The following WWOX variants were observed in gnomAD, a reference collection of about 807,000 sequenced individuals.
WWOX encodes WW domain containing oxidoreductase, also known as WW domain-containing oxidoreductase.
Under a neutral mutation model 46.2 loss-of-function variants are expected in WWOX, and 69 were observed. That is an observed-to-expected ratio of 1.49 (90% CI 1.23 to 1.82). WWOX has a LOEUF of 1.82. WWOX is among the 40% of genes most tolerant of loss of function. The pLI is 0.00. For missense variants in WWOX, 919 were observed against 542.6 expected (o/e 1.69, Z -6.89); for synonymous variants, 359 against 202.6 (o/e 1.77, Z -6.56).
intron 8 of WWOX, among the ~76,000 whole-genome samples, chr16:78,555,038 G>C (rs1374072999): frequency 6.6e-6 from 1 of 152,138 alleles, no homozygotes; most frequent in Non-Finnish European, 1.5e-5. Flanking sequence ...GCCATTTAAG[G>C]TCCCGAGGAA....
At chr16:79,012,864 G>C (rs2047339598) in intron 8 of WWOX, among the ~76,000 whole-genome samples, 1 of 152,178 alleles carries the variant, frequency 6.6e-6, no homozygotes, top group Non-Finnish European at 1.5e-5. Flanking sequence ...GCTGCTGTTT[G>C]TAAGCCTGGC....
At chr16:78,809,312 G>GAAAA (rs371661365) in intron 8 of WWOX, among the ~76,000 whole-genome samples, 3 of 73,900 alleles carry the variant, frequency 4.1e-5, no homozygotes, top group Non-Finnish European at 9.1e-5. Flanking sequence ...TAGAGATCTT[G>GAAAA]AAAAAAAAAA....
intron 8 of WWOX, among the ~76,000 whole-genome samples, chr16:78,689,881 G>A (rs2047946252): frequency 6.6e-6 from 1 of 151,752 alleles, no homozygotes; most frequent in Non-Finnish European, 1.5e-5. Flanking sequence ...TTTTTTTGGA[G>A]ACAGGGTCTC....
intron 8 of WWOX, among the ~76,000 whole-genome samples, chr16:78,538,928 C>T (rs2043823124): frequency 6.6e-6 from 1 of 152,216 alleles, no homozygotes; most frequent in Non-Finnish European, 1.5e-5. Context: ...GTTGCAATTT[C>T]TTCCATTACC....
chr16:78,824,157 G>T (rs115820616), intron 8 of WWOX, among the ~76,000 whole-genome samples: 5 of 151,964 alleles, frequency 3.3e-5, no homozygotes, highest in African/African-American at 7.3e-5. Flanking sequence ...GATTTTAAAC[G>T]ATCTTTAGAA....
chr16:78,385,786 G>A lies in WWOX; in HGVS notation c.517-1074G>A, dbSNP rs150362010. 3.3e-4 allele frequency among the ~76,000 whole-genome samples: 51 copies of A among 152,280 alleles called. 1 individual carries two copies. In the East Asian group the frequency reaches 7.9e-3, roughly 24 times the overall value. On this transcript the variant is annotated intron_variant, in intron 5 of 8. Coordinates refer to ENST00000566780, the MANE Select transcript of WWOX (RefSeq NM_016373.4). ...CTAGACTAGAATTCCCAAGTCAACC[G>A]TTTGTTTTACGGGACTCTTCTTATT...
chr16:78,689,971 C>A (rs1446988908), intron 8 of WWOX, among the ~76,000 whole-genome samples: 1 of 152,114 alleles, frequency 6.6e-6, no homozygotes, highest in East Asian at 1.9e-4. Context: ...AATGATTCTC[C>A]TACCTCAGCC....
In WWOX at chr16:79,104,867, C is replaced by G. The variant is rs530916242; in HGVS notation, c.1057-106741C>G. 3.9e-5 allele frequency among the ~76,000 whole-genome samples: 6 copies of G among 152,294 alleles called. No individual in the cohort carries two copies. In the East Asian group the frequency reaches 1.2e-3, roughly 29 times the overall value. ...CCCCACTTGACCAAAGGTGTCCAAACCTCGACAGACAGCGGCCAGAGAAGG... is the reference window on the plus strand; with the variant it reads ...CCCCACTTGACCAAAGGTGTCCAAAGCTCGACAGACAGCGGCCAGAGAAGG... On this transcript the variant is annotated intron_variant, in intron 8 of 8. Coordinates refer to ENST00000566780, the MANE Select transcript of WWOX (RefSeq NM_016373.4).
intron 5 of WWOX, among the ~76,000 whole-genome samples, chr16:78,374,516 T>C (rs2151924207): frequency 6.7e-6 from 1 of 149,232 alleles, no homozygotes; most frequent in South Asian, 2.1e-4. Context: ...CCTCAACTTT[T>C]TCTGTCTTGA....
intron 5 of WWOX, among the ~76,000 whole-genome samples, chr16:78,251,767 T>C (rs1481182192): frequency 2.0e-5 from 3 of 152,186 alleles, no homozygotes; most frequent in African/African-American, 4.8e-5. Context: ...AGTAATTCTA[T>C]CGTTAAAGGA....
chr16:78,787,184 C>A (rs1025172895), intron 8 of WWOX, among the ~76,000 whole-genome samples: 2 of 152,062 alleles, frequency 1.3e-5, no homozygotes, highest in African/African-American at 4.8e-5. Flanking sequence ...AAAAAAAGTT[C>A]ACCACTTTGA....
At chr16:79,003,581 G>A (rs142054350) in intron 8 of WWOX, among the ~76,000 whole-genome samples, 3 of 152,200 alleles carry the variant, frequency 2.0e-5, no homozygotes, top group Non-Finnish European at 4.4e-5. Context: ...GTGGAATCCA[G>A]TTGGCAGGAG....
At chr16:79,007,564 C>G (rs1016397269) in intron 8 of WWOX, among the ~76,000 whole-genome samples, 6 of 152,218 alleles carry the variant, frequency 3.9e-5, no homozygotes, top group African/African-American at 1.4e-4. Context: ...CGAATCCCCA[C>G]TACATAGGCA....
intron 8 of WWOX, among the ~76,000 whole-genome samples, chr16:79,174,013 C>T (rs1245660382): frequency 1.3e-5 from 2 of 152,136 alleles, no homozygotes; most frequent in African/African-American, 4.8e-5. Context: ...TATAAACTGG[C>T]AGGATACTGT....
intron 6 of WWOX, among the ~76,000 whole-genome samples, chr16:78,393,179 T>G (rs2082212900): frequency 6.6e-6 from 1 of 152,162 alleles, no homozygotes; most frequent in Admixed American, 6.6e-5. Flanking sequence ...TTCTAATCAC[T>G]CAGACCAAAT....
chr16:78,325,170 C>T (rs1407516263), intron 5 of WWOX, among the ~76,000 whole-genome samples: 1 of 152,202 alleles, frequency 6.6e-6, no homozygotes, highest in East Asian at 1.9e-4. Context: ...GAACTGGTTC[C>T]TTTGAATCCT....
At chr16:78,535,829 A>G (rs1449086832) in intron 8 of WWOX, among the ~76,000 whole-genome samples, 1 of 152,172 alleles carries the variant, frequency 6.6e-6, no homozygotes, top group African/African-American at 2.4e-5. Context: ...ATCCATCTCC[A>G]GTGCTGCTCA....
intron 3 of WWOX, among the ~76,000 whole-genome samples, chr16:78,112,443 G>C (rs1242669238): frequency 6.6e-6 from 1 of 152,062 alleles, no homozygotes; most frequent in Non-Finnish European, 1.5e-5. Flanking sequence ...GAGCAAACCT[G>C]GTGAACTTTT....
chr16:79,195,764 C>T lies in WWOX; in HGVS notation c.1057-15844C>T, dbSNP rs192962090. Among the ~76,000 whole-genome samples the T allele has an allele frequency of 7.7e-4, 117 of 152,274 alleles. 1 individual carries two copies. Among genetic ancestry groups the T allele is most frequent in the Non-Finnish European group, 1.4e-3 (98 of 68,030 alleles). On this transcript the variant is annotated intron_variant, in intron 8 of 8. Transcript: ENST00000566780. ...AGAAGTGTGTTTTGGGGAAACACTC[C>T]AGGTAGTGGTACATAGAATCCTAGC...
Sources: gnomAD v4.1 joint callset for allele counts (sites outside exome capture counted in the v4.1 genomes callset) on GRCh38, gnomAD v4.1.1 for gene constraint, MANE v1.5 for transcripts, NCBI Gene and HGNC (gene_info 2026-07-23, HGNC 2026-07-21) for gene names.